Variants in LAMA2 observed in about 807,000 individuals in gnomAD.
The protein encoded by LAMA2 is laminin subunit alpha-2.
LAMA2 carries 269 observed loss-of-function variants against 364.8 expected under a neutral mutation model. The observed-to-expected ratio is 0.74, with a 90% CI of 0.67 to 0.82. The LOEUF (loss-of-function observed/expected upper bound fraction) is 0.82, where lower values mean the gene tolerates loss of function less well. LAMA2 is among the 40% of genes least tolerant of loss of function. LAMA2 has a pLI of 0.00. For missense variants in LAMA2, 3,807 were observed against 3,873.2 expected (o/e 0.98, Z 0.45); for synonymous variants, 1,379 against 1,370.6 (o/e 1.01, Z -0.14).
chr6:129,417,686 T>C (rs934638191), intron 40 of LAMA2, among the ~76,000 whole-genome samples: 1 of 151,906 alleles, frequency 6.6e-6, no homozygotes, highest in African/African-American at 2.4e-5. Flanking sequence ...ATGCCTAGGG[T>C]CACCTTCAGG....
intron 3 of LAMA2, among the ~76,000 whole-genome samples, chr6:129,075,623 G>C (rs1773584715): frequency 6.6e-6 from 1 of 152,150 alleles, no homozygotes. Context: ...TTTATCTGGA[G>C]TTCGGCATCA....
chr6:129,421,787 G>A (rs1781086872), intron 40 of LAMA2, among the ~76,000 whole-genome samples: 1 of 152,032 alleles, frequency 6.6e-6, no homozygotes, highest in African/African-American at 2.4e-5. Flanking sequence ...TTGAAACATT[G>A]AGGCATGTCT....
chr6:129,070,198 G>A (rs9375614), intron 3 of LAMA2, among the ~76,000 whole-genome samples: 144,856 of 152,146 alleles, frequency 0.95, 69,037 homozygotes, highest in East Asian at 0.97. Context: ...CTTATTACGA[G>A]GCATATTATA....
In LAMA2 at chr6:129,514,602, G is replaced by T. The variant is rs1285519693; in HGVS notation, c.9211+7G>T. The T allele has an allele frequency of 6.2e-7, 1 of 1,604,568 alleles. No homozygotes were observed. Among genetic ancestry groups the T allele is most frequent in the African/African-American group, 1.3e-5 (1 of 74,708 alleles). The stretch of plus-strand genomic sequence containing the variant: ...TTTGTTGGAGGCTTCCCAGGTGAGT[G>T]TTGGCTACCCCAGCAACAATTTCTT... On this transcript the variant is annotated splice_region_variant and intron_variant, in intron 64 of 64. Coordinates refer to ENST00000421865, the MANE Select transcript of LAMA2 (RefSeq NM_000426.4).
Position 129,393,099 on chromosome 6 carries a change from G to A in LAMA2, c.5289G>A (p.Gly1763=). 1 of 1,613,942 alleles carries A rather than the reference G, an allele frequency of 6.2e-7. No individual in the cohort carries two copies. The highest frequency in any genetic ancestry group is 1.7e-4 in the Middle Eastern group (1 of 6,060). The change falls in exon 37 of 65, where the codon GGG becomes GGA. Residue 1763 remains glycine, a synonymous_variant. Transcript: ENST00000421865. ...AGAAGCTGTTTGGAGAGTCCCGGGGGGAAAATGAAGAAATGGAGAAGGATC... is the reference window on the plus strand; with the variant it reads ...AGAAGCTGTTTGGAGAGTCCCGGGGAGAAAATGAAGAAATGGAGAAGGATC... The part of the protein sequence containing the change: ...KVKKLFGESR[G]ENEEMEKDLR...
chr6:128,973,536 A>G (rs1455145819), intron 1 of LAMA2, among the ~76,000 whole-genome samples: 2 of 152,170 alleles, frequency 1.3e-5, no homozygotes, highest in Non-Finnish European at 2.9e-5. Flanking sequence ...TGAAACTATA[A>G]CAGTATTTTT....
chr6:129,358,277 A>G (rs1327329833), intron 32 of LAMA2, among the ~76,000 whole-genome samples: 1 of 151,968 alleles, frequency 6.6e-6, no homozygotes, highest in Non-Finnish European at 1.5e-5. Flanking sequence ...GTTGTTAGAG[A>G]TCAGTCTCAG....
At chr6:129,254,438 A>G (rs6917043) in intron 14 of LAMA2, among the ~76,000 whole-genome samples, 13,457 of 152,244 alleles carry the variant, frequency 0.088, 1,950 homozygotes, top group African/African-American at 0.31. Flanking sequence ...AGCTTCAAAA[A>G]GTCACCGCAA....
chr6:129,325,025 CA>C (rs1162792245), intron 28 of LAMA2, among the ~76,000 whole-genome samples: 1 of 152,122 alleles, frequency 6.6e-6, no homozygotes, highest in African/African-American at 2.4e-5. Context: ...AGCTCCAGCA[CA>C]AGCATCTATT....
intron 62 of LAMA2, among the ~76,000 whole-genome samples, chr6:129,509,436 T>C (rs1786384464): frequency 6.6e-6 from 1 of 152,188 alleles, no homozygotes; most frequent in Non-Finnish European, 1.5e-5. Context: ...CCCATTTCAA[T>C]GTCCTGGAGA....
chr6:128,958,649 T>C (rs1422376447), intron 1 of LAMA2, among the ~76,000 whole-genome samples: 1 of 152,202 alleles, frequency 6.6e-6, no homozygotes, highest in Non-Finnish European at 1.5e-5. Context: ...AATCATCACC[T>C]GCCTCTTGCC....
At chr6:128,912,946 TG>T (rs556426974) in intron 1 of LAMA2, among the ~76,000 whole-genome samples, 27 of 152,212 alleles carry the variant, frequency 1.8e-4, no homozygotes, top group African/African-American at 6.3e-4. Context: ...CTGTGGAGCA[TG>T]GGCGACCAGA....
chr6:129,092,145 T>C (rs891257197), intron 3 of LAMA2, among the ~76,000 whole-genome samples: 3 of 152,220 alleles, frequency 2.0e-5, no homozygotes, highest in Non-Finnish European at 4.4e-5. Context: ...CTTTAGGCCA[T>C]GACCTCCGCT....
chr6:129,210,308 G>T (rs911440484), intron 12 of LAMA2, among the ~76,000 whole-genome samples: 1 of 151,880 alleles, frequency 6.6e-6, no homozygotes, highest in Non-Finnish European at 1.5e-5. Flanking sequence ...CTGTACAAGG[G>T]AACCCTAAAA....
At chr6:129,275,771 A>T (rs1335313185) in intron 17 of LAMA2, among the ~76,000 whole-genome samples, 1 of 151,106 alleles carries the variant, frequency 6.6e-6, no homozygotes, top group Non-Finnish European at 1.5e-5. Flanking sequence ...AATAAGTCGT[A>T]TCTATAATTT....
intron 3 of LAMA2, among the ~76,000 whole-genome samples, chr6:129,076,450 T>TA (rs1302364257): frequency 6.3e-5 from 9 of 142,528 alleles, no homozygotes; most frequent in Non-Finnish European, 3.0e-5. Flanking sequence ...ATATAATATA[T>TA]TATATATAAT....
intron 19 of LAMA2, 34 bp from the exon 20 acceptor site, chr6:129,291,580 T>C: frequency 6.6e-7 from 1 of 1,506,574 alleles, no homozygotes; most frequent in Non-Finnish European, 9.2e-7. Flanking sequence ...TATTAGAAAG[T>C]TTTCCTGATC....
chr6:129,393,804 A>G (rs1380112465), intron 37 of LAMA2, among the ~76,000 whole-genome samples: 2 of 152,356 alleles, frequency 1.3e-5, no homozygotes, highest in South Asian at 2.1e-4. Context: ...AGCACATGAC[A>G]AATAGCTCAA....
At chr6:128,971,067 G>A (rs947129168) in intron 1 of LAMA2, among the ~76,000 whole-genome samples, 9 of 152,082 alleles carry the variant, frequency 5.9e-5, no homozygotes, top group Admixed American at 1.3e-4. Flanking sequence ...AGATTTGTGC[G>A]TCCTTAGCTT....
Sources: gnomAD v4.1 joint callset for allele counts (sites outside exome capture counted in the v4.1 genomes callset) on GRCh38, gnomAD v4.1.1 for gene constraint, MANE v1.5 for transcripts, NCBI Gene and HGNC (gene_info 2026-07-23, HGNC 2026-07-21) for gene names.